Variants in LRRC7 observed in about 807,000 individuals in gnomAD.
LRRC7 encodes the protein leucine-rich repeat-containing protein 7.
Under a neutral mutation model 175.7 loss-of-function variants are expected in LRRC7, and 23 were observed. The observed-to-expected ratio is 0.13, with a 90% CI of 0.09 to 0.19. LRRC7 has a LOEUF of 0.19. LRRC7 is among the 10% of genes least tolerant of loss of function. The pLI, the probability that LRRC7 is intolerant of heterozygous loss-of-function variation, is 1.00. For missense variants in LRRC7, 1,354 were observed against 1,904.7 expected (o/e 0.71, Z 5.38); for synonymous variants, 685 against 680.9 (o/e 1.01, Z -0.09).
intron 2 of LRRC7, among the ~76,000 whole-genome samples, chr1:69,696,817 T>C (rs1339681087): frequency 6.6e-6 from 1 of 152,214 alleles, no homozygotes; most frequent in Non-Finnish European, 1.5e-5. Flanking sequence ...CCTTCTGCCA[T>C]GAATTTATAA....
At chr1:69,725,950 A>C (rs970222464) in intron 2 of LRRC7, among the ~76,000 whole-genome samples, 1 of 152,234 alleles carries the variant, frequency 6.6e-6, no homozygotes, top group Non-Finnish European at 1.5e-5. Context: ...CCTGGACCCT[A>C]CCTGTAGCCT....
intron 2 of LRRC7, among the ~76,000 whole-genome samples, chr1:69,710,295 A>AAAAG (rs1259883775): frequency 6.6e-5 from 10 of 150,500 alleles, no homozygotes; most frequent in African/African-American, 1.7e-4. Flanking sequence ...AAAAAAAAAA[A>AAAAG]AAAGAAAGAA....
chr1:69,992,425 G>A (rs1305795350), intron 10 of LRRC7, among the ~76,000 whole-genome samples: 1 of 152,068 alleles, frequency 6.6e-6, no homozygotes, highest in Non-Finnish European at 1.5e-5. Context: ...TAGAGAGAAG[G>A]AATAGGATAA....
chr1:69,953,339 G>C (rs757456416), intron 8 of LRRC7, among the ~76,000 whole-genome samples: 15 of 152,078 alleles, frequency 9.9e-5, no homozygotes, highest in South Asian at 2.1e-4. Flanking sequence ...CTCAAATACA[G>C]CACTTTCTCC....
At chr1:70,119,168 C>T (rs1666054204) in intron 26 of LRRC7, among the ~76,000 whole-genome samples, 2 of 151,750 alleles carry the variant, frequency 1.3e-5, no homozygotes, top group Admixed American at 6.6e-5. Context: ...ACTGAGGGCT[C>T]GAGGAGACTC....
chr1:69,729,225 T>C (rs1305180393), intron 2 of LRRC7, among the ~76,000 whole-genome samples: 3 of 152,128 alleles, frequency 2.0e-5, no homozygotes, highest in Non-Finnish European at 4.4e-5. Flanking sequence ...CATATCATTC[T>C]ACCCTGGCCT....
chr1:69,588,203 T>C (rs948494914), intron 1 of LRRC7, among the ~76,000 whole-genome samples: 2 of 152,218 alleles, frequency 1.3e-5, no homozygotes, highest in African/African-American at 2.4e-5. Context: ...ATTTCTACTG[T>C]AAGACTGACC....
At chr1:69,908,057 T>G (rs1646382993) in intron 7 of LRRC7, among the ~76,000 whole-genome samples, 1 of 152,216 alleles carries the variant, frequency 6.6e-6, no homozygotes, top group African/African-American at 2.4e-5. Context: ...ATGGAGGTGT[T>G]TGTAGTATTC....
At chr1:70,069,801 C>A (rs1405599718) in intron 23 of LRRC7, among the ~76,000 whole-genome samples, 2 of 152,088 alleles carry the variant, frequency 1.3e-5, no homozygotes, top group African/African-American at 2.4e-5. Flanking sequence ...AATGTGTTTT[C>A]TCTCTGTTAT....
intron 7 of LRRC7, among the ~76,000 whole-genome samples, chr1:69,913,365 G>A (rs191487797): frequency 9.9e-5 from 15 of 152,250 alleles, no homozygotes; most frequent in African/African-American, 3.6e-4. Flanking sequence ...TGTGACTTTG[G>A]TTTAAGATAT....
intron 7 of LRRC7, among the ~76,000 whole-genome samples, chr1:69,889,753 G>A (rs548323750): frequency 1.3e-5 from 2 of 151,470 alleles, no homozygotes; most frequent in Admixed American, 6.5e-5. Context: ...GCTTCAGTGA[G>A]TCAAGACTGT....
intron 18 of LRRC7, among the ~76,000 whole-genome samples, chr1:70,035,618 G>A (rs1316577096): frequency 8.5e-6 from 1 of 117,304 alleles, no homozygotes; most frequent in Non-Finnish European, 1.7e-5. Flanking sequence ...ATGTAGCTAG[G>A]GATGCACAAA....
intron 8 of LRRC7, among the ~76,000 whole-genome samples, chr1:69,961,729 T>A (rs535017807): frequency 6.6e-6 from 1 of 152,214 alleles, no homozygotes; most frequent in East Asian, 1.9e-4. Flanking sequence ...AAACAAGCAA[T>A]GGGAAAAGGA....
chr1:70,034,749 CAA>C (rs1199327946), intron 18 of LRRC7, among the ~76,000 whole-genome samples: 3 of 152,186 alleles, frequency 2.0e-5, no homozygotes, highest in African/African-American at 7.2e-5. Context: ...CTCTAGAAAA[CAA>C]AAGTGTTGGA....
intron 24 of LRRC7, among the ~76,000 whole-genome samples, chr1:70,087,136 T>G (rs1663675854): frequency 6.6e-6 from 1 of 152,212 alleles, no homozygotes; most frequent in African/African-American, 2.4e-5. Context: ...AAGGCAGTTC[T>G]TCATACACTT....
intron 24 of LRRC7, among the ~76,000 whole-genome samples, chr1:70,077,918 C>A (rs1662901111): frequency 6.6e-6 from 1 of 152,182 alleles, no homozygotes; most frequent in Non-Finnish European, 1.5e-5. Flanking sequence ...AATGCTTAAA[C>A]CTGTCTGAAC....
intron 25 of LRRC7, among the ~76,000 whole-genome samples, chr1:70,097,339 A>C (rs1477419241): frequency 6.6e-6 from 1 of 152,226 alleles, no homozygotes; most frequent in Non-Finnish European, 1.5e-5. Context: ...ATTGAATAAA[A>C]CCATATTAAA....
chr1:69,739,469 A>T (rs1483820709), intron 2 of LRRC7, among the ~76,000 whole-genome samples: 3 of 152,120 alleles, frequency 2.0e-5, no homozygotes, highest in Non-Finnish European at 4.4e-5. Context: ...TACTACTGCC[A>T]AGCCTGTTTA....
chr1:69,598,410 T>C (rs1646927562), intron 1 of LRRC7, among the ~76,000 whole-genome samples: 1 of 152,164 alleles, frequency 6.6e-6, no homozygotes, highest in Non-Finnish European at 1.5e-5. Flanking sequence ...GAGAGATTTA[T>C]TTTAAGAAAT....
Sources: allele counts gnomAD v4.1 joint callset (sites outside exome capture counted in the v4.1 genomes callset), GRCh38; gene constraint gnomAD v4.1.1; transcripts MANE v1.5; gene names NCBI Gene and HGNC (gene_info 2026-07-23, HGNC 2026-07-21).